Variants in PLCXD3 observed in about 807,000 individuals in gnomAD.
The protein encoded by PLCXD3 is PI-PLC X domain-containing protein 3.
PLCXD3 carries 19 observed loss-of-function variants against 25.5 expected under a neutral mutation model. The ratio of observed to expected loss-of-function variants is 0.75; its 90% CI spans 0.52 to 1.09. PLCXD3 has a LOEUF of 1.09. Ranked by LOEUF, PLCXD3 falls within the 50% of genes least tolerant of loss-of-function variation. The pLI, the probability that PLCXD3 is intolerant of heterozygous loss-of-function variation, is 0.00. For synonymous variants in PLCXD3, 174 were observed against 137.6 expected (o/e 1.26, Z -1.85); for missense variants, 411 against 388.1 (o/e 1.06, Z -0.50).
chr5:41,409,706 A>C (rs573883433), intron 1 of PLCXD3, among the ~76,000 whole-genome samples: 1 of 152,316 alleles, frequency 6.6e-6, no homozygotes, highest in Non-Finnish European at 1.5e-5. Context: ...TTGTGCCCTC[A>C]ACAAAAGGCA....
intron 1 of PLCXD3, chr5:41,456,607 G>T: frequency 1.3e-6 from 1 of 772,472 alleles, no homozygotes; most frequent in Non-Finnish European, 1.6e-6. Flanking sequence ...AAATTCATAT[G>T]TTGAAATCTG....
chr5:41,411,556 T>TTA (rs1746519641), intron 1 of PLCXD3, among the ~76,000 whole-genome samples: 14 of 152,216 alleles, frequency 9.2e-5, no homozygotes, highest in Admixed American at 7.2e-4. Context: ...TTTATAAAAC[T>TTA]GGCACAAACA....
intron 2 of PLCXD3, among the ~76,000 whole-genome samples, chr5:41,329,516 C>G (rs1357805186): frequency 1.3e-5 from 2 of 152,176 alleles, no homozygotes; most frequent in Non-Finnish European, 2.9e-5. Flanking sequence ...AAAAATGCTA[C>G]TCAGTATTCC....
chr5:41,376,049 T>TCAACA (rs1026064416), intron 2 of PLCXD3, among the ~76,000 whole-genome samples: 2 of 152,140 alleles, frequency 1.3e-5, no homozygotes, highest in African/African-American at 4.8e-5. Flanking sequence ...TAATGTGGGC[T>TCAACA]CAACAACTAC....
intron 1 of PLCXD3, among the ~76,000 whole-genome samples, chr5:41,400,140 A>G (rs1218432666): frequency 1.3e-5 from 2 of 152,148 alleles, no homozygotes; most frequent in Non-Finnish European, 2.9e-5. Context: ...ACAATGAAAT[A>G]TCATCTCACT....
chr5:41,484,999 T>C (rs930238525), intron 1 of PLCXD3, among the ~76,000 whole-genome samples: 1 of 152,160 alleles, frequency 6.6e-6, no homozygotes, highest in Non-Finnish European at 1.5e-5. Context: ...TAGTAAGGTA[T>C]AAACAGGGAT....
chr5:41,450,677 G>T (rs1747608506), intron 1 of PLCXD3, among the ~76,000 whole-genome samples: 1 of 152,022 alleles, frequency 6.6e-6, no homozygotes, highest in Non-Finnish European at 1.5e-5. Context: ...ACTGTCTGTG[G>T]AAGTTTCTTA....
chr5:41,481,102 TAAAA>T (rs554092157), intron 1 of PLCXD3, among the ~76,000 whole-genome samples: 6 of 72,906 alleles, frequency 8.2e-5, no homozygotes, highest in Admixed American at 6.4e-4. Context: ...ACCTAATTTG[TAAAA>T]AAAAAAAAAA....
chr5:41,383,062 G>A (rs923257096), intron 1 of PLCXD3, among the ~76,000 whole-genome samples: 4 of 152,060 alleles, frequency 2.6e-5, no homozygotes, highest in Non-Finnish European at 5.9e-5. Flanking sequence ...TAGGGGAAAG[G>A]AGAAATAAGA....
chr5:41,497,049 A>G (rs1748857519), intron 1 of PLCXD3, among the ~76,000 whole-genome samples: 1 of 151,792 alleles, frequency 6.6e-6, no homozygotes, highest in Admixed American at 6.6e-5. Context: ...AGCCACGAAG[A>G]AAAAATCTAC....
intron 2 of PLCXD3, among the ~76,000 whole-genome samples, chr5:41,327,852 C>T (rs1743678915): frequency 6.6e-6 from 1 of 152,070 alleles, no homozygotes; most frequent in Non-Finnish European, 1.5e-5. Context: ...ATCACCCATG[C>T]TGCAGTGCAG....
At chr5:41,475,564 T>G in intron 1 of PLCXD3, 1 of 526,636 alleles carries the variant, frequency 1.9e-6, no homozygotes, top group Non-Finnish European at 3.9e-6. Flanking sequence ...TTATCCCTAC[T>G]TATCTCTGTT....
At chr5:41,374,922 C>A (rs1745241100) in intron 2 of PLCXD3, among the ~76,000 whole-genome samples, 1 of 152,054 alleles carries the variant, frequency 6.6e-6, no homozygotes, top group Non-Finnish European at 1.5e-5. Context: ...GAACAGCTGA[C>A]TTTGAACCAT....
intron 1 of PLCXD3, among the ~76,000 whole-genome samples, chr5:41,385,256 C>T (rs990338664): frequency 6.6e-6 from 1 of 152,086 alleles, no homozygotes; most frequent in Admixed American, 6.6e-5. Flanking sequence ...TATTTTGCTT[C>T]TACATTGACT....
chr5:41,377,284 A>G (rs527956175), intron 2 of PLCXD3, among the ~76,000 whole-genome samples: 1 of 151,926 alleles, frequency 6.6e-6, no homozygotes, highest in Non-Finnish European at 1.5e-5. Context: ...AAAGGATCTA[A>G]CAGATAGTGA....
chr5:41,426,587 A>G (rs1159737202), intron 1 of PLCXD3, among the ~76,000 whole-genome samples: 3 of 152,068 alleles, frequency 2.0e-5, no homozygotes, highest in East Asian at 1.9e-4. Flanking sequence ...CTTGAAAAAC[A>G]TAATGATATG....
chr5:41,344,297 T>C (rs1580313542), intron 2 of PLCXD3, among the ~76,000 whole-genome samples: 1 of 152,126 alleles, frequency 6.6e-6, no homozygotes, highest in Admixed American at 6.5e-5. Flanking sequence ...ATGCGACTTA[T>C]TTTTAGAAAG....
chr5:41,368,170 C>T (rs997187985), intron 2 of PLCXD3, among the ~76,000 whole-genome samples: 1 of 152,062 alleles, frequency 6.6e-6, no homozygotes, highest in African/African-American at 2.4e-5. Flanking sequence ...TGAAGAGGTC[C>T]TTCACTTATC....
At chr5:41,434,149 C>T (rs1747180525) in intron 1 of PLCXD3, among the ~76,000 whole-genome samples, 1 of 152,168 alleles carries the variant, frequency 6.6e-6, no homozygotes, top group African/African-American at 2.4e-5. Context: ...ATCCTTGTGG[C>T]TTTTCTATAT....
Sources: gnomAD v4.1 joint callset for allele counts (sites outside exome capture counted in the v4.1 genomes callset) on GRCh38, gnomAD v4.1.1 for gene constraint, MANE v1.5 for transcripts, NCBI Gene and HGNC (gene_info 2026-07-23, HGNC 2026-07-21) for gene names.